CCDC178: variants seen among roughly 807,000 people sequenced by gnomAD.
The protein encoded by CCDC178 is coiled-coil domain-containing protein 178.
CCDC178 carries 126 observed loss-of-function variants against 117.4 expected under a neutral mutation model. The ratio of observed to expected loss-of-function variants is 1.07; its 90% CI spans 0.93 to 1.24. The LOEUF (loss-of-function observed/expected upper bound fraction) is 1.24, where lower values mean the gene tolerates loss of function less well. Ranked by LOEUF, CCDC178 falls within the 50% of genes most tolerant of loss-of-function variation. The probability of loss-of-function intolerance (pLI) is 0.00; values close to 1 mark genes in which losing one functional copy is unlikely to be tolerated. For synonymous variants in CCDC178, 283 were observed against 313.4 expected (o/e 0.90, Z 1.02); for missense variants, 1,030 against 986.9 (o/e 1.04, Z -0.59).
chr18:33,076,794 C>T (rs1460119679), intron 21 of CCDC178, among the ~76,000 whole-genome samples: 5 of 152,168 alleles, frequency 3.3e-5, no homozygotes, highest in Non-Finnish European at 7.3e-5. Flanking sequence ...GCAAGCTTTG[C>T]TTTACTCTGT....
At chr18:33,200,276 C>A (rs1485157284) in intron 20 of CCDC178, among the ~76,000 whole-genome samples, 1 of 152,214 alleles carries the variant, frequency 6.6e-6, no homozygotes, top group African/African-American at 2.4e-5. Flanking sequence ...TAAGCCTAAT[C>A]TCGAGCCATC....
At chr18:33,157,208 G>A (rs2058411303) in intron 20 of CCDC178, among the ~76,000 whole-genome samples, 1 of 152,040 alleles carries the variant, frequency 6.6e-6, no homozygotes, top group Non-Finnish European at 1.5e-5. Context: ...TTTAATATCT[G>A]TGATTGATCT....
At chr18:33,367,248 T>C (rs1470096823) in intron 6 of CCDC178, among the ~76,000 whole-genome samples, 6 of 152,080 alleles carry the variant, frequency 3.9e-5, no homozygotes, top group Non-Finnish European at 8.8e-5. Flanking sequence ...GATCTAAAAA[T>C]CCAAACAATT....
intron 12 of CCDC178, among the ~76,000 whole-genome samples, chr18:33,275,266 G>A (rs1460572746): frequency 6.6e-6 from 1 of 151,724 alleles, no homozygotes; most frequent in Non-Finnish European, 1.5e-5. Context: ...AAATATATGT[G>A]CATATGTATA....
chr18:32,961,181 G>T (rs1751035070), intron 22 of CCDC178, among the ~76,000 whole-genome samples: 1 of 152,048 alleles, frequency 6.6e-6, no homozygotes, highest in Non-Finnish European at 1.5e-5. Flanking sequence ...ATTAACTCCT[G>T]AGAGACGAGT....
rs547674976 is a variant in CCDC178 at position 33,173,241 on chromosome 18, GT to G, written c.2238+38654del. ...ATTTTTGTATTTTTAGTAGAAACGG[GT>G]TTTCACTATGTTGTCCAGGCCAGTT... On this transcript the variant is annotated intron_variant, in intron 20 of 22. Coordinates refer to ENST00000383096, the MANE Select transcript of CCDC178 (RefSeq NM_001105528.4). Among the ~76,000 whole-genome samples, 136 of 152,160 alleles carry G rather than the reference GT, an allele frequency of 8.9e-4. 2 individuals carry two copies. The highest frequency in any genetic ancestry group is 8.1e-3 in the Admixed American group (124 of 15,278).
chr18:32,938,378 C>T (rs1461992922), intron 22 of CCDC178: 1 of 261,780 alleles, frequency 3.8e-6, no homozygotes, highest in Admixed American at 5.2e-5. Flanking sequence ...CCACTATCAT[C>T]CTTGTCCCAT....
chr18:33,005,005 C>T (rs1030110545), intron 21 of CCDC178, among the ~76,000 whole-genome samples: 15 of 152,042 alleles, frequency 9.9e-5, no homozygotes, highest in Admixed American at 3.3e-4. Context: ...ACCCTCTGCA[C>T]ACTGTTGGTG....
intron 6 of CCDC178, among the ~76,000 whole-genome samples, chr18:33,358,885 C>T (rs533618397): frequency 6.6e-6 from 1 of 151,866 alleles, no homozygotes; most frequent in South Asian, 2.1e-4. Context: ...TAAGAAAATA[C>T]AAGTAAACCC....
At chr18:33,343,881 T>C (rs2062849212) in intron 9 of CCDC178, among the ~76,000 whole-genome samples, 1 of 152,190 alleles carries the variant, frequency 6.6e-6, no homozygotes, top group African/African-American at 2.4e-5. Flanking sequence ...TATAAAAATA[T>C]ATGTCTCTAT....
At chr18:33,225,559 A>G (rs1164153176) in intron 16 of CCDC178, among the ~76,000 whole-genome samples, 1 of 152,230 alleles carries the variant, frequency 6.6e-6, no homozygotes, top group Non-Finnish European at 1.5e-5. Context: ...AATATTTCCC[A>G]GCCCAAAATG....
intron 15 of CCDC178, among the ~76,000 whole-genome samples, chr18:33,239,458 T>C (rs1385236094): frequency 2.0e-5 from 3 of 151,416 alleles, no homozygotes; most frequent in African/African-American, 7.3e-5. Flanking sequence ...ACAGGAAACT[T>C]ACTTCATTAA....
intron 22 of CCDC178, among the ~76,000 whole-genome samples, chr18:32,949,606 G>T (rs1451868644): frequency 6.6e-6 from 1 of 152,006 alleles, no homozygotes; most frequent in Admixed American, 6.6e-5. Context: ...TATCTTCAAT[G>T]TCTCTACTTA....
At chr18:32,949,705 T>C (rs2054437117) in intron 22 of CCDC178, among the ~76,000 whole-genome samples, 1 of 152,150 alleles carries the variant, frequency 6.6e-6, no homozygotes, top group Non-Finnish European at 1.5e-5. Flanking sequence ...TCAGTTTTAA[T>C]TGATTGGTTT....
rs773162971 is a variant in CCDC178, at chr18:33,266,925, G to GT, written c.1399dup (p.Thr467AsnfsTer3). ...GTATTTGCAAATTTACCTTTCATTG[G>GT]TTTTTACTGTTATTTTGTTAATATC... On this transcript the variant is annotated frameshift_variant, in exon 14 of 23. Transcript: ENST00000383096. LOFTEE classifies it high-confidence loss of function. 6.4e-6 allele frequency: 10 copies of GT among 1,571,866 alleles called. No individual in the cohort carries two copies. The highest frequency in any genetic ancestry group is 2.3e-5 in the East Asian group (1 of 44,398).
intron 20 of CCDC178, among the ~76,000 whole-genome samples, chr18:33,168,342 T>C (rs754536614): frequency 1.6e-4 from 24 of 152,158 alleles, no homozygotes; most frequent in Admixed American, 6.5e-4. Context: ...GAATAGAGAG[T>C]CGTCTTCCTA....
intron 2 of CCDC178, among the ~76,000 whole-genome samples, chr18:33,434,844 G>A (rs1161637198): frequency 1.3e-5 from 2 of 152,030 alleles, no homozygotes; most frequent in East Asian, 1.9e-4. Flanking sequence ...CTAGATGTAG[G>A]AGAAGGAAGA....
intron 20 of CCDC178, among the ~76,000 whole-genome samples, chr18:33,105,435 A>T (rs958674268): frequency 6.6e-6 from 1 of 151,684 alleles, no homozygotes; most frequent in Non-Finnish European, 1.5e-5. Flanking sequence ...GTGAAACTGC[A>T]TTAATACCAA....
rs757825168 is a variant in CCDC178, at chr18:32,974,533, C to T, written c.2523+14G>A. The stretch of plus-strand genomic sequence containing the variant: ...GATCAGAATGATCTTTCCTACTTCC[C>T]TGCAATCACCTACCTGCACAGCTAA... On this transcript the variant is annotated intron_variant, in intron 22 of 22. Transcript: ENST00000383096. 6.2e-7 allele frequency: 1 copy of T among 1,612,170 alleles called. No homozygotes were observed. Among genetic ancestry groups the T allele is most frequent in the South Asian group, 1.1e-5 (1 of 91,006 alleles).
Sources: gnomAD v4.1 joint callset for allele counts (sites outside exome capture counted in the v4.1 genomes callset) on GRCh38, gnomAD v4.1.1 for gene constraint, MANE v1.5 for transcripts, NCBI Gene and HGNC (gene_info 2026-07-23, HGNC 2026-07-21) for gene names.